Variants in PDZD2 observed in about 807,000 individuals in gnomAD.
PDZD2 encodes PDZ domain containing 2.
Under a neutral mutation model 220.7 loss-of-function variants are expected in PDZD2, and 90 were observed. The observed-to-expected ratio is 0.41, with a 90% CI of 0.34 to 0.49. PDZD2 has a LOEUF of 0.49. Among genes scored for constraint, PDZD2 ranks in the 20% least tolerant of loss-of-function variants. The pLI is 0.28. For missense variants in PDZD2, 3,174 were observed against 3,608.5 expected, an observed-to-expected ratio of 0.88 and a Z score of 3.08; for synonymous variants, 1,375 against 1,450.5, an observed-to-expected ratio of 0.95 and a Z score of 1.18.
chr5:31,664,311 C>T (rs1415811965), intron 1 of PDZD2, among the ~76,000 whole-genome samples: 1 of 152,064 alleles, frequency 6.6e-6, no homozygotes, highest in Non-Finnish European at 1.5e-5. Context: ...CTGAAACCTC[C>T]AAGTTTTAAC....
intron 2 of PDZD2, among the ~76,000 whole-genome samples, chr5:31,898,810 T>C (rs1741816426): frequency 8.4e-6 from 1 of 119,494 alleles, no homozygotes; most frequent in South Asian, 2.7e-4. Context: ...CCTCTCTTCT[T>C]TTTTTTTTTT....
At chr5:31,870,869 A>G (rs1051214221) in intron 2 of PDZD2, among the ~76,000 whole-genome samples, 1 of 151,012 alleles carries the variant, frequency 6.6e-6, no homozygotes, top group Non-Finnish European at 1.5e-5. Flanking sequence ...AGCCTATGCG[A>G]CAGATCGAGA....
chr5:32,021,057 ATT>A (rs112705081), intron 6 of PDZD2, among the ~76,000 whole-genome samples: 93 of 143,134 alleles, frequency 6.5e-4, no homozygotes, highest in Admixed American at 8.4e-4. Flanking sequence ...AAGACTTGGA[ATT>A]TTTTTTTTTT....
chr5:32,087,659 A>G lies in PDZD2; in HGVS notation c.4211A>G (p.Lys1404Arg). 6.2e-7 allele frequency: 1 copy of G among 1,614,144 alleles called. No homozygotes were observed. The highest frequency in any genetic ancestry group is 8.5e-7 in the Non-Finnish European group (1 of 1,180,004). ...LSMLPSTDNT[K>R]EACGHVSGHC... The stretch of plus-strand genomic sequence containing the variant: ...ATGCTGCCATCCACTGACAACACCA[A>G]AGAAGCATGTGGCCATGTCTCGGGG... Residue 1404 changes from lysine (K) to arginine (R), a missense_variant, in exon 20 of 25, where the codon AAA becomes AGA. Physicochemically the swap from Lys to Arg is conservative, Grantham distance 26 (BLOSUM62 2). This residue lies in a region of PDZD2 where 1,861 missense variants were observed against 2,001.0 expected (regional missense o/e 0.93). Transcript: ENST00000438447. This position sits in a 1 kb window ranked among gnomAD's most constrained non-coding sequence, Gnocchi z 4.0.
intron 2 of PDZD2, among the ~76,000 whole-genome samples, chr5:31,886,555 A>G (rs1285431384): frequency 6.6e-6 from 1 of 151,860 alleles, no homozygotes; most frequent in African/African-American, 2.4e-5. Flanking sequence ...CCTGATGGAA[A>G]CTGCTTTTGT....
At chr5:31,676,221 C>T (rs1159421091) in intron 1 of PDZD2, among the ~76,000 whole-genome samples, 1 of 152,170 alleles carries the variant, frequency 6.6e-6, no homozygotes, top group Non-Finnish European at 1.5e-5. Context: ...ATTAATCACT[C>T]AGTGTAAATC....
chr5:31,892,977 T>TGGGAGGAGCAATGGAGAGGGCAA (rs1374800854), intron 2 of PDZD2, among the ~76,000 whole-genome samples: 8 of 152,100 alleles, frequency 5.3e-5, no homozygotes, highest in Non-Finnish European at 8.8e-5. Context: ...AAGTGTGGCG[T>TGGGAGGAGCAATGGAGAGGGCAA]GGGAGGAGCA....
intron 2 of PDZD2, among the ~76,000 whole-genome samples, chr5:31,942,367 T>A (rs1176303571): frequency 7.3e-6 from 1 of 136,452 alleles, no homozygotes; most frequent in Non-Finnish European, 1.5e-5. Context: ...GTGCTATCCT[T>A]TGTGTGCTTA....
At chr5:31,664,212 A>AGGCT (rs1745890568) in intron 1 of PDZD2, among the ~76,000 whole-genome samples, 1 of 152,056 alleles carries the variant, frequency 6.6e-6, no homozygotes, top group African/African-American at 2.4e-5. Context: ...TGTGTTGCCT[A>AGGCT]GGCTGGTCTT....
intron 24 of PDZD2, among the ~76,000 whole-genome samples, chr5:32,105,805 C>G (rs906469446): frequency 6.6e-6 from 1 of 152,214 alleles, no homozygotes; most frequent in African/African-American, 2.4e-5. Flanking sequence ...ATATCCTGCT[C>G]AAATCTGTTA....
chr5:31,772,573 TTCTAACTGGCACC>T (rs1752399586), intron 1 of PDZD2, among the ~76,000 whole-genome samples: 1 of 152,212 alleles, frequency 6.6e-6, no homozygotes, highest in African/African-American at 2.4e-5. Context: ...AAGCATTTGT[TTCTAACTGGCACC>T]TCAACTCCAA....
In PDZD2 at chr5:31,930,957, C is replaced by A. The variant is rs201786494; in HGVS notation, c.477-52198C>A. Among the ~76,000 whole-genome samples, 19 of 14,306 alleles carry A rather than the reference C, an allele frequency of 1.3e-3. No individual in the cohort carries two copies. The East Asian group carries it at 0.031, about 23-fold the overall frequency. 9.4% of individuals were successfully genotyped at this position (14,306 alleles called of 152,430 possible). A position where few individuals can be genotyped will look rare whatever the true frequency, so the allele number is the denominator to read the frequency against. On this transcript the variant is annotated intron_variant, in intron 2 of 24. Transcript: ENST00000438447. ...GGGCGACTCAGTTGTGCTTCAGTGA[C>A]AGGGAACTCATTGGCATGAGTTGGA... is the stretch of plus-strand genomic sequence containing the variant.
chr5:31,675,633 C>A (rs1385632296), intron 1 of PDZD2, among the ~76,000 whole-genome samples: 1 of 152,202 alleles, frequency 6.6e-6, no homozygotes, highest in Non-Finnish European at 1.5e-5. Context: ...TCCAGAATCA[C>A]GTGGCCCAAT....
At chr5:31,968,899 C>T (rs139056127) in intron 2 of PDZD2, among the ~76,000 whole-genome samples, 6 of 152,184 alleles carry the variant, frequency 3.9e-5, no homozygotes, top group African/African-American at 9.6e-5. Flanking sequence ...TAGATAAAAA[C>T]GAAAACATGT....
intron 5 of PDZD2, among the ~76,000 whole-genome samples, chr5:32,010,088 A>AAAAAAAAAAAAAG (rs945480757): frequency 6.6e-6 from 1 of 151,884 alleles, no homozygotes; most frequent in African/African-American, 2.4e-5. Context: ...CTGTCTCAAA[A>AAAAAAAAAAAAAG]AAAAGAAAAA....
At chr5:31,689,685 C>A (rs1046608864) in intron 1 of PDZD2, among the ~76,000 whole-genome samples, 3 of 151,902 alleles carry the variant, frequency 2.0e-5, no homozygotes, top group African/African-American at 7.3e-5. Context: ...TGGAGCTAAC[C>A]CTGACCTTTA....
intron 1 of PDZD2, among the ~76,000 whole-genome samples, chr5:31,662,731 G>T (rs927749489): frequency 6.6e-6 from 1 of 152,186 alleles, no homozygotes; most frequent in Non-Finnish European, 1.5e-5. Flanking sequence ...CCAGGTTCAC[G>T]CCATTCTCCT....
chr5:31,989,843 AG>A (rs1751072960), intron 3 of PDZD2, among the ~76,000 whole-genome samples: 1 of 152,180 alleles, frequency 6.6e-6, no homozygotes, highest in African/African-American at 2.4e-5. Context: ...TTCCCGTCTT[AG>A]CTCAGTGCCT....
chr5:31,644,494 C>A (rs989314340), intron 1 of PDZD2, among the ~76,000 whole-genome samples: 7 of 152,126 alleles, frequency 4.6e-5, no homozygotes, highest in African/African-American at 1.7e-4. Flanking sequence ...GTTGAAGAGG[C>A]CTTTTGTGGT....
Sources: gnomAD v4.1 joint callset for allele counts (sites outside exome capture counted in the v4.1 genomes callset) on GRCh38, gnomAD v4.1.1 for gene constraint, gnomAD v4.1.1 regional missense constraint, Gnocchi (gnomAD v3.1) non-coding constraint, MANE v1.5 for transcripts, NCBI Gene and HGNC (gene_info 2026-07-23, HGNC 2026-07-21) for gene names.